Variants in IL23R observed in about 807,000 individuals in gnomAD.
IL23R encodes interleukin 23 receptor.
IL23R carries 34 observed loss-of-function variants against 56.9 expected under a neutral mutation model. The ratio of observed to expected loss-of-function variants is 0.60; its 90% CI spans 0.45 to 0.80. IL23R has a LOEUF of 0.80. Among genes scored for constraint, IL23R ranks in the 30% least tolerant of loss-of-function variants. IL23R has a pLI of 0.00. For synonymous variants in IL23R, 230 were observed against 249.2 expected, an observed-to-expected ratio of 0.92 and a Z score of 0.73; for missense variants, 635 against 730.0, an observed-to-expected ratio of 0.87 and a Z score of 1.50.
chr1:67,234,405 G>A (rs1651319565), intron 7 of IL23R, among the ~76,000 whole-genome samples: 1 of 152,132 alleles, frequency 6.6e-6, no homozygotes, highest in South Asian at 2.1e-4. Flanking sequence ...AGACTCTAAA[G>A]GAAGATTGTA....
chr1:67,219,836 C>A, intron 7 of IL23R, 106 bp downstream of exon 7: 2 of 1,079,344 alleles, frequency 1.9e-6, no homozygotes, highest in Non-Finnish European at 2.8e-6. Context: ...GAGGCCAAGG[C>A]AGGAAGATTG....
intron 6 of IL23R, among the ~76,000 whole-genome samples, chr1:67,208,276 G>A (rs188976321): frequency 2.0e-5 from 3 of 152,312 alleles, no homozygotes; most frequent in Admixed American, 6.5e-5. Flanking sequence ...CCCATTCTGG[G>A]GGGGAGAAAT....
intron 9 of IL23R, among the ~76,000 whole-genome samples, chr1:67,240,751 G>A (rs1430725160): frequency 3.3e-5 from 5 of 152,200 alleles, no homozygotes; most frequent in Admixed American, 6.5e-5. Context: ...GTTTAATTGA[G>A]CAATGAATGT....
chr1:67,236,717 C>G lies in IL23R; in HGVS notation c.960C>G (p.Pro320=). 1 of 1,611,460 alleles carries G rather than the reference C, an allele frequency of 6.2e-7. No individual in the cohort carries two copies. Among genetic ancestry groups the G allele is most frequent in the Non-Finnish European group, 8.5e-7 (1 of 1,177,602 alleles). ...ACTCTTTCCTTTTGGTTTAAGTTCC[C>G]CAGGTCACATCAAAAGCATTCCAAC... ...LFFHKTPETV[P]QVTSKAFQHD... The change falls in exon 8 of 11, where the codon CCC becomes CCG. Residue 320 remains proline, a synonymous_variant. Transcript: ENST00000347310.
intron 9 of IL23R, among the ~76,000 whole-genome samples, chr1:67,250,964 G>A (rs765107860): frequency 3.3e-5 from 5 of 152,150 alleles, no homozygotes; most frequent in Non-Finnish European, 5.9e-5. Context: ...GGTTCCATGA[G>A]GAAAACAGAG....
intron 7 of IL23R, among the ~76,000 whole-genome samples, chr1:67,227,975 T>C (rs1247957590): frequency 4.5e-5 from 4 of 89,446 alleles, no homozygotes; most frequent in Admixed American, 2.6e-4. Flanking sequence ...TCTTTCTTTC[T>C]TTCTTTCTTT....
chr1:67,219,179 C>T (rs1016168218), intron 6 of IL23R, among the ~76,000 whole-genome samples: 3 of 151,922 alleles, frequency 2.0e-5, no homozygotes, highest in Admixed American at 2.0e-4. Flanking sequence ...CCAGCCTGGC[C>T]AACATGATGA....
intron 3 of IL23R, among the ~76,000 whole-genome samples, chr1:67,170,902 T>A (rs1248908416): frequency 1.3e-5 from 2 of 152,136 alleles, no homozygotes; most frequent in Non-Finnish European, 2.9e-5. Flanking sequence ...TCTTGCAAGC[T>A]TTTCAAGAGA....
At chr1:67,197,182 G>A (rs1197092406) in intron 4 of IL23R, among the ~76,000 whole-genome samples, 1 of 152,200 alleles carries the variant, frequency 6.6e-6, no homozygotes, top group Non-Finnish European at 1.5e-5. Context: ...TGTGAGAGAG[G>A]AAGGCCCTCT....
chr1:67,199,902 C>T (rs1648480796), intron 4 of IL23R, among the ~76,000 whole-genome samples: 1 of 152,158 alleles, frequency 6.6e-6, no homozygotes, highest in African/African-American at 2.4e-5. Flanking sequence ...TGTCCAGGCA[C>T]AGTGGCTCAT....
chr1:67,261,955 C>G (rs562416012), downstream of IL23R, among the ~76,000 whole-genome samples: 176 of 152,314 alleles, frequency 1.2e-3, no homozygotes, highest in African/African-American at 3.9e-3. Context: ...GGAGACACTT[C>G]TGATTCTGTC....
chr1:67,146,544 T>TAGAC (rs758198334), intron 1 of IL23R, among the ~76,000 whole-genome samples: 5 of 152,186 alleles, frequency 3.3e-5, no homozygotes, highest in South Asian at 2.1e-4. Flanking sequence ...ATAAAAGTGA[T>TAGAC]AGACAGACAG....
At chr1:67,258,197 A>G (rs1653054713) in intron 10 of IL23R, among the ~76,000 whole-genome samples, 2 of 152,268 alleles carry the variant, frequency 1.3e-5, no homozygotes, top group Admixed American at 1.3e-4. Flanking sequence ...ATAAGACTCA[A>G]CTTTTCTCTT....
At chr1:67,230,805 A>G (rs1651050635) in intron 7 of IL23R, among the ~76,000 whole-genome samples, 1 of 152,026 alleles carries the variant, frequency 6.6e-6, no homozygotes, top group South Asian at 2.1e-4. Context: ...TGCCTATTTG[A>G]TATGTTGGCA....
intron 3 of IL23R, among the ~76,000 whole-genome samples, chr1:67,177,775 C>T (rs1240166205): frequency 1.3e-5 from 2 of 150,968 alleles, no homozygotes; most frequent in Non-Finnish European, 2.9e-5. Context: ...GTATTGAATC[C>T]ATCTTGAGTT....
chr1:67,198,725 G>T (rs1570830295), intron 4 of IL23R, among the ~76,000 whole-genome samples: 1 of 152,202 alleles, frequency 6.6e-6, no homozygotes, highest in Non-Finnish European at 1.5e-5. Flanking sequence ...CGGGCAGAGT[G>T]CTTGAGTTCA....
intron 6 of IL23R, among the ~76,000 whole-genome samples, chr1:67,216,031 C>G (rs1649809382): frequency 6.6e-6 from 1 of 152,196 alleles, no homozygotes; most frequent in Non-Finnish European, 1.5e-5. Context: ...CCTCCCAACT[C>G]TCATGAAAGT....
chr1:67,211,639 A>AG (rs56212328), intron 6 of IL23R, among the ~76,000 whole-genome samples: 1 of 151,934 alleles, frequency 6.6e-6, no homozygotes, highest in African/African-American at 2.4e-5. Context: ...AAAAAAAAAA[A>AG]GGATACCAAA....
At chr1:67,238,022 GA>G (rs1651597370) in intron 8 of IL23R, among the ~76,000 whole-genome samples, 1 of 152,106 alleles carries the variant, frequency 6.6e-6, no homozygotes, top group Non-Finnish European at 1.5e-5. Flanking sequence ...AAAACAAGAA[GA>G]AAAGTCAGGT....
Sources: allele counts gnomAD v4.1 joint callset (sites outside exome capture counted in the v4.1 genomes callset), GRCh38; gene constraint gnomAD v4.1.1; transcripts MANE v1.5; gene names NCBI Gene and HGNC (gene_info 2026-07-23, HGNC 2026-07-21).